Variants in PDGFRB observed in about 807,000 individuals in gnomAD.
PDGFRB encodes the protein platelet-derived growth factor receptor beta.
Under a neutral mutation model 120.2 loss-of-function variants are expected in PDGFRB, and 42 were observed. That is an observed-to-expected ratio of 0.35 (90% confidence interval 0.27 to 0.45). The LOEUF is 0.45. Ranked by LOEUF, PDGFRB falls within the 20% of genes least tolerant of loss-of-function variation. PDGFRB has a pLI of 1.00. For synonymous variants in PDGFRB, 586 were observed against 606.8 expected, an observed-to-expected ratio of 0.97 and a Z score of 0.50; for missense variants, 1,149 against 1,476.3, an observed-to-expected ratio of 0.78 and a Z score of 3.63.
intron 13 of PDGFRB, 97 bp from the exon 14 acceptor site, chr5:150,124,457 G>T: frequency 1.1e-6 from 1 of 884,480 alleles, no homozygotes; most frequent in Non-Finnish European, 1.8e-6. Context: ...CCCGCCCTGT[G>T]CTGCAAGACC....
At chr5:150,117,093 C>A (rs1759960053) in intron 22 of PDGFRB, among the ~76,000 whole-genome samples, 1 of 152,206 alleles carries the variant, frequency 6.6e-6, no homozygotes, top group Non-Finnish European at 1.5e-5. Context: ...GCTGTAACTT[C>A]ACCACTTCCC....
At chr5:150,133,373 TG>T (rs1420208456) in intron 6 of PDGFRB, among the ~76,000 whole-genome samples, 3 of 152,144 alleles carry the variant, frequency 2.0e-5, no homozygotes, top group Non-Finnish European at 2.9e-5. Context: ...GGGTTTATCC[TG>T]GAATTGGGGT....
At position 150,129,919 on chromosome 5, in the gene PDGFRB, C is replaced by T. The variant is rs1562002990; in HGVS notation, c.1417G>A (p.Glu473Lys). The change falls in exon 10 of 23, where the codon GAG becomes AAG. Residue 473 changes from glutamate to lysine, a missense_variant. Glu to Lys is a moderately conservative substitution (Grantham distance 56). Around this residue, in one of 3 missense-constraint regions of PDGFRB, gnomAD observed 879 missense variants for 1,108.6 expected, o/e 0.79. Transcript: ENST00000261799. ...PTLLGNSSEEESQLETNVTYW... is the reference protein window; with the variant it reads ...PTLLGNSSEEKSQLETNVTYW... ...GTCACGTTAGTCTCCAGCTGGCTCT[C>T]CTCTTCGGAACTGTTCCCCAGCAGC... The T allele has an allele frequency of 1.2e-6, 2 of 1,614,178 alleles. No individual in the cohort carries two copies. Among genetic ancestry groups the T allele is most frequent in the Non-Finnish European group, 1.7e-6 (2 of 1,180,036 alleles).
rs897303034 is a variant in PDGFRB, at chr5:150,143,430, C to T, written c.-6-6377G>A. ...GCTCCACTCTGGGAAGGCAGCTGTG[C>T]TGAGCTGGAATGCTGGGCTCGGGGT... is the stretch of plus-strand genomic sequence containing the variant. On this transcript the variant is annotated intron_variant, in intron 1 of 22. Transcript: ENST00000261799. 2.0e-5 allele frequency among the ~76,000 whole-genome samples: 3 copies of T among 152,134 alleles called. No homozygotes were observed. In the East Asian group the frequency reaches 5.8e-4, roughly 29 times the overall value.
chr5:150,143,955 C>T (rs928681932), intron 1 of PDGFRB, among the ~76,000 whole-genome samples: 13 of 152,246 alleles, frequency 8.5e-5, no homozygotes, highest in African/African-American at 2.9e-4. Context: ...CTCTGTGCCA[C>T]GCTGCTTCTA....
At chr5:150,144,625 G>C (rs958893398) in intron 1 of PDGFRB, among the ~76,000 whole-genome samples, 13 of 152,304 alleles carry the variant, frequency 8.5e-5, no homozygotes, top group African/African-American at 2.6e-4. Flanking sequence ...CCTGTGCTTG[G>C]GGGTGGGGGC....
intron 1 of PDGFRB, among the ~76,000 whole-genome samples, chr5:150,139,543 C>A (rs964989448): frequency 2.6e-5 from 4 of 152,120 alleles, no homozygotes; most frequent in Admixed American, 1.3e-4. Context: ...GGGCTACATT[C>A]CTGAGGCTAG....
In PDGFRB at chr5:150,120,856, A is replaced by G. The variant is rs746441981; in HGVS notation, c.2586+32T>C. 2 of 1,606,832 alleles carry G rather than the reference A, an allele frequency of 1.2e-6. No individual in the cohort carries two copies. Among genetic ancestry groups the G allele is most frequent in the African/African-American group, 2.7e-5 (2 of 74,742 alleles). ...TGTTCCTGCGGTCACAGGCACTGTG[A>G]CTGCCCTGCAGGGGCCAGGGAAGGT... On this transcript the variant is annotated intron_variant, in intron 18 of 22. Coordinates refer to ENST00000261799, the MANE Select transcript of PDGFRB (RefSeq NM_002609.4). The surrounding 1 kb of genome is among the most constrained non-coding windows in gnomAD (Gnocchi z 4.3).
chr5:150,136,393 G>GGT (rs1177300843), intron 2 of PDGFRB, among the ~76,000 whole-genome samples: 2 of 151,954 alleles, frequency 1.3e-5, no homozygotes, highest in East Asian at 1.9e-4. Context: ...TGGGGTTGGG[G>GGT]GTGTGTGTGT....
chr5:150,122,611 A>G (rs74877391), intron 15 of PDGFRB, among the ~76,000 whole-genome samples: 6,505 of 152,334 alleles, frequency 0.043, 171 homozygotes, highest in African/African-American at 0.08. Context: ...CAACAGAACT[A>G]AGAAGTGTTC....
intron 3 of PDGFRB, 48 bp downstream of exon 3, chr5:150,135,507 A>G: frequency 8.6e-7 from 1 of 1,159,946 alleles, no homozygotes; most frequent in Non-Finnish European, 1.3e-6. Context: ...TGATGCCTCC[A>G]GTTGACAAGA....
At chr5:150,150,932 TC>T (rs1348066306) in intron 1 of PDGFRB, among the ~76,000 whole-genome samples, 2 of 152,036 alleles carry the variant, frequency 1.3e-5, no homozygotes, top group Non-Finnish European at 2.9e-5. Context: ...TGGGCCTTCC[TC>T]CCCGACCCTC....
chr5:150,131,426 A>C (rs1760462599), intron 8 of PDGFRB, among the ~76,000 whole-genome samples: 1 of 152,166 alleles, frequency 6.6e-6, no homozygotes, highest in South Asian at 2.1e-4. Flanking sequence ...TCACTTCCTC[A>C]GCCCTGATCA....
chr5:150,133,022 G>A lies in PDGFRB; in HGVS notation c.935-80C>T, dbSNP rs534817566. On this transcript the variant is annotated intron_variant, in intron 6 of 22. Coordinates refer to ENST00000261799, the MANE Select transcript of PDGFRB (RefSeq NM_002609.4). ...CCCAAAGGAGGCCAGCCTGTGGGGT[G>A]GGGCTTCAGGCCTGGGGACCGTGCC... The A allele has an allele frequency of 2.5e-5, 25 of 989,904 alleles. No homozygotes were observed. In the Admixed American group the frequency reaches 3.0e-4, roughly 12 times the overall value. 61.3% of individuals were successfully genotyped at this position (989,904 alleles called of 1,614,324 possible). A position where few individuals can be genotyped will look rare whatever the true frequency, so the allele number is the denominator to read the frequency against.
Position 150,120,939 on chromosome 5 carries a change from A to G in PDGFRB, c.2535T>C (p.Phe845=), listed in dbSNP as rs747787667. 2 of 1,613,960 alleles carry G rather than the reference A, an allele frequency of 1.2e-6. No individual in the cohort carries two copies. Among genetic ancestry groups the G allele is most frequent in the South Asian group, 2.2e-5 (2 of 91,058 alleles). Residue 845 remains phenylalanine, a synonymous_variant, in exon 18 of 23, where the codon TTT becomes TTC. Transcript: ENST00000261799. The surrounding 1 kb of genome is among the most constrained non-coding windows in gnomAD (Gnocchi z 4.3). ...CCCGCATGATGTCTCGAGCCAGGCC[A>G]AAGTCACAGATCTTGACCAGCTTGC... ...CEGKLVKICD[F]GLARDIMRDS...
chr5:150,124,093 C>T (rs1421294153), intron 14 of PDGFRB, 157 bp downstream of exon 14: 1 of 461,494 alleles, frequency 2.2e-6, no homozygotes, highest in Non-Finnish European at 3.9e-6. Flanking sequence ...TAAACCCCAC[C>T]GCCCTCTGGG....
chr5:150,124,083 T>C, intron 14 of PDGFRB, 167 bp downstream of exon 14: 1 of 443,478 alleles, frequency 2.3e-6, no homozygotes, highest in South Asian at 6.5e-5. Flanking sequence ...TGTGAGTTTC[T>C]AAACCCCACC....
chr5:150,114,337 G>A lies in PDGFRB; in HGVS notation c.*1426C>T. The A allele has an allele frequency of 4.3e-6, 1 of 233,232 alleles. No individual in the cohort carries two copies. The highest frequency in any genetic ancestry group is 8.5e-6 in the Non-Finnish European group (1 of 118,018). The allele number at this position is 233,232 out of a possible 1,614,324, so 14.4% of individuals were successfully genotyped here. ...CACATCCTTCTTGGGGTACCCATCT[G>A]AAGCTTCTTGTCTTTTACAAGACAT... On this transcript the variant is annotated 3_prime_UTR_variant, in exon 23 of 23. Transcript: ENST00000261799.
chr5:150,123,252 C>A, intron 14 of PDGFRB, 51 bp from the exon 15 acceptor site: 8 of 1,446,282 alleles, frequency 5.5e-6, no homozygotes, highest in Non-Finnish European at 5.8e-6. Flanking sequence ...TCAGGCGTCC[C>A]TTCAAGGCCA....
Sources: allele counts gnomAD v4.1 joint callset (sites outside exome capture counted in the v4.1 genomes callset), GRCh38; gene constraint gnomAD v4.1.1; regional missense constraint gnomAD v4.1.1; non-coding constraint Gnocchi (gnomAD v3.1); transcripts MANE v1.5; gene names NCBI Gene and HGNC (gene_info 2026-07-23, HGNC 2026-07-21).